DDX10: variants seen among roughly 807,000 people sequenced by gnomAD.
DDX10 encodes DEAD-box helicase 10.
In DDX10, 74 loss-of-function variants were observed where a neutral mutation model predicts 104.3. That is an observed-to-expected ratio of 0.71 (90% confidence interval 0.59 to 0.86). The LOEUF is 0.86. Among genes scored for constraint, DDX10 ranks in the 40% least tolerant of loss-of-function variants. DDX10 has a pLI of 0.00. For missense variants in DDX10, 952 were observed against 1,040.0 expected, an observed-to-expected ratio of 0.92 and a Z score of 1.16; for synonymous variants, 351 against 353.4, an observed-to-expected ratio of 0.99 and a Z score of 0.08.
At chr11:108,745,298 G>A (rs535064655) in intron 13 of DDX10, among the ~76,000 whole-genome samples, 1 of 147,930 alleles carries the variant, frequency 6.8e-6, no homozygotes, top group South Asian at 2.2e-4. Context: ...TGTCACCCAG[G>A]CTGGAGTGCA....
At chr11:108,786,543 G>T (rs1029629405) in intron 13 of DDX10, among the ~76,000 whole-genome samples, 4 of 151,502 alleles carry the variant, frequency 2.6e-5, no homozygotes, top group African/African-American at 9.8e-5. Context: ...CTCCAGTGTT[G>T]GGTGTGTATA....
Position 108,917,628 on chromosome 11 carries a change from G to A in DDX10, c.2305-245G>A, listed in dbSNP as rs192993275. 6.6e-5 allele frequency among the ~76,000 whole-genome samples: 10 copies of A among 152,196 alleles called. No homozygotes were observed. The East Asian group carries it at 1.9e-3, about 29-fold the overall frequency. On this transcript the variant is annotated intron_variant, in intron 16 of 17. Transcript: ENST00000322536. ...ATAATAAAATAGACAATTTTCTCCT[G>A]TATTGTGTTTAAAGGACTGAATAGT...
intron 13 of DDX10, among the ~76,000 whole-genome samples, chr11:108,813,907 C>T (rs1006038482): frequency 6.6e-6 from 1 of 152,054 alleles, no homozygotes; most frequent in Non-Finnish European, 1.5e-5. Context: ...TTTCATTGAT[C>T]TGTATATGTT....
intron 6 of DDX10, among the ~76,000 whole-genome samples, chr11:108,685,473 T>C (rs1158984585): frequency 6.6e-6 from 1 of 151,926 alleles, no homozygotes; most frequent in Non-Finnish European, 1.5e-5. Flanking sequence ...CAGATGGAAA[T>C]GCAGAAATCA....
intron 16 of DDX10, among the ~76,000 whole-genome samples, chr11:108,870,869 A>G (rs765186547): frequency 7.1e-4 from 108 of 152,222 alleles, no homozygotes; most frequent in Non-Finnish European, 1.2e-3. Flanking sequence ...GGTACTGAGT[A>G]TTTATCGAGT....
At chr11:108,858,485 C>T (rs755858707) in intron 16 of DDX10, among the ~76,000 whole-genome samples, 37 of 152,232 alleles carry the variant, frequency 2.4e-4, no homozygotes, top group African/African-American at 5.1e-4. Flanking sequence ...GGTCTAGCAC[C>T]GGGGCCTGCA....
chr11:108,803,454 C>T (rs1008191539), intron 13 of DDX10, among the ~76,000 whole-genome samples: 2 of 151,746 alleles, frequency 1.3e-5, no homozygotes, highest in Admixed American at 6.6e-5. Flanking sequence ...ATTAGCCGAG[C>T]GTGATGGCAC....
In DDX10 at chr11:108,936,284, C is replaced by T. The variant is rs535338571; in HGVS notation, c.2451-3962C>T. ...GCACACCAGACATTACTAATAAAGT[C>T]TTTATTATTTGGATTATTGAAAGAC... On this transcript the variant is annotated intron_variant, in intron 17 of 17. Coordinates refer to ENST00000322536, the MANE Select transcript of DDX10 (RefSeq NM_004398.4). 6.6e-5 allele frequency among the ~76,000 whole-genome samples: 10 copies of T among 152,186 alleles called. No individual in the cohort carries two copies. The East Asian group carries it at 1.9e-3, about 29-fold the overall frequency.
intron 8 of DDX10, among the ~76,000 whole-genome samples, chr11:108,693,191 A>G (rs1305761272): frequency 2.6e-5 from 4 of 152,280 alleles, no homozygotes; most frequent in South Asian, 4.1e-4. Context: ...AGCTTTGTCC[A>G]TGTCCCCATT....
At chr11:108,694,904 A>G (rs1310997303) in intron 9 of DDX10, among the ~76,000 whole-genome samples, 1 of 151,408 alleles carries the variant, frequency 6.6e-6, no homozygotes, top group Non-Finnish European at 1.5e-5. Flanking sequence ...CAAAACAAAT[A>G]AAAAAAAACC....
At chr11:108,814,174 A>G (rs559520032) in intron 13 of DDX10, among the ~76,000 whole-genome samples, 27 of 152,234 alleles carry the variant, frequency 1.8e-4, no homozygotes, top group Admixed American at 1.5e-3. Flanking sequence ...ACATTTCTCT[A>G]GTTACTCAGA....
At chr11:108,833,074 G>C (rs2615729) in intron 13 of DDX10, among the ~76,000 whole-genome samples, 18,592 of 152,156 alleles carry the variant, frequency 0.12, 1,558 homozygotes, top group East Asian at 0.27. Flanking sequence ...AAAGAATGAC[G>C]TGGAACTAAG....
intron 13 of DDX10, among the ~76,000 whole-genome samples, chr11:108,770,056 A>G (rs764935688): frequency 3.3e-5 from 5 of 152,222 alleles, no homozygotes; most frequent in African/African-American, 4.8e-5. Context: ...ATCTGTTGCA[A>G]CATGTTTCTT....
rs759761051 is a variant in DDX10 at position 108,665,304 on chromosome 11, G to A, written c.151G>A (p.Glu51Lys). The change falls in exon 1 of 18, where the codon GAG becomes AAG. Residue 51 changes from glutamate to lysine, a missense_variant. By Grantham distance (56) the Glu-to-Lys change is moderately conservative. Coordinates refer to ENST00000322536, the MANE Select transcript of DDX10 (RefSeq NM_004398.4). The part of the protein sequence containing the change: ...LKKPEWQVER[E>K]SISRLMQNYE... ...GAAACCCGAATGGCAGGTCGAGCGC[G>A]AGAGTATCAGCCGCCTCATGCAGAA... 1.2e-6 allele frequency: 2 copies of A among 1,604,746 alleles called. No homozygotes were observed. The highest frequency in any genetic ancestry group is 1.3e-5 in the African/African-American group (1 of 74,174).
At chr11:108,797,209 T>G (rs1256212385) in intron 13 of DDX10, among the ~76,000 whole-genome samples, 2 of 152,144 alleles carry the variant, frequency 1.3e-5, no homozygotes, top group African/African-American at 4.8e-5. Context: ...AATTTTTGTA[T>G]TTTTAGTAGA....
At chr11:108,855,584 C>G (rs762323658) in intron 16 of DDX10, among the ~76,000 whole-genome samples, 8 of 152,114 alleles carry the variant, frequency 5.3e-5, no homozygotes, top group African/African-American at 1.9e-4. Flanking sequence ...CTCAGCCTCC[C>G]GAGTAGCTGG....
At chr11:108,713,894 C>G (rs1006329393) in intron 10 of DDX10, among the ~76,000 whole-genome samples, 1 of 152,094 alleles carries the variant, frequency 6.6e-6, no homozygotes, top group African/African-American at 2.4e-5. Flanking sequence ...GTGAACTTTA[C>G]AAATTCTTTT....
At chr11:108,884,436 C>T (rs1412370502) in intron 16 of DDX10, among the ~76,000 whole-genome samples, 1 of 152,084 alleles carries the variant, frequency 6.6e-6, no homozygotes, top group Non-Finnish European at 1.5e-5. Context: ...TCGTTTCTCA[C>T]CTTCTGCCTC....
intron 13 of DDX10, among the ~76,000 whole-genome samples, chr11:108,789,907 T>C (rs1301993842): frequency 2.0e-5 from 3 of 152,226 alleles, no homozygotes; most frequent in Admixed American, 6.5e-5. Context: ...TCCTCAGACT[T>C]GTCCCCTCTT....
Sources: allele counts gnomAD v4.1 joint callset (sites outside exome capture counted in the v4.1 genomes callset), GRCh38; gene constraint gnomAD v4.1.1; transcripts MANE v1.5; gene names NCBI Gene and HGNC (gene_info 2026-07-23, HGNC 2026-07-21).